Variants in ANKRD36B observed in about 807,000 individuals in gnomAD.
The protein encoded by ANKRD36B is ankyrin repeat domain 36B.
A neutral mutation model predicts 135.7 loss-of-function variants in ANKRD36B; 37 were observed. That is an observed-to-expected ratio of 0.27 (90% CI 0.21 to 0.36). ANKRD36B has a LOEUF of 0.36. ANKRD36B is among the 10% of genes least tolerant of loss of function. The probability of loss-of-function intolerance (pLI) is 1.00; values close to 1 mark genes in which losing one functional copy is unlikely to be tolerated. For missense variants in ANKRD36B, 549 were observed against 1,037.1 expected (o/e 0.53, Z 6.46); for synonymous variants, 179 against 348.1 (o/e 0.51, Z 5.41).
rs2077915852 is a variant in ANKRD36B at position 97,519,973 on chromosome 2, AT to A, written c.2407+3352del. ...TTGGATTGGGGGTATACAAAAAAATATCTGAACCCCCCTCTCAATTTTGACA... is the reference window on the plus strand; with the variant it reads ...TTGGATTGGGGGTATACAAAAAAATACTGAACCCCCCTCTCAATTTTGACA... On this transcript the variant is annotated intron_variant, in intron 36 of 43. Coordinates refer to ENST00000359901, the MANE Select transcript of ANKRD36B (RefSeq NM_001393939.1). Among the ~76,000 whole-genome samples the A allele has an allele frequency of 2.2e-5, 2 of 92,814 alleles. 1 individual carries two copies. 60.9% of individuals were successfully genotyped at this position (92,814 alleles called of 152,430 possible). A position where few individuals can be genotyped will look rare whatever the true frequency, so the allele number is the denominator to read the frequency against.
chr2:97,560,355 C>T (rs1293907016), intron 8 of ANKRD36B, among the ~76,000 whole-genome samples: 6 of 151,844 alleles, frequency 4.0e-5, no homozygotes. Context: ...TCTCTTTCCC[C>T]TCTTGATGGA....
At chr2:97,548,046 A>C (rs114569772) in intron 20 of ANKRD36B, among the ~76,000 whole-genome samples, 9,049 of 151,710 alleles carry the variant, frequency 0.06, 365 homozygotes, top group Middle Eastern at 0.16. Context: ...ATCAGAGGAG[A>C]AACTCATACA....
At position 97,558,926 on chromosome 2, in the gene ANKRD36B, T is replaced by C. The variant is rs752821600; in HGVS notation, c.894+40A>G. 2.4e-5 allele frequency: 38 copies of C among 1,607,164 alleles called. No individual in the cohort carries two copies. In the South Asian group the frequency reaches 3.4e-4, roughly 14 times the overall value. On this transcript the variant is annotated intron_variant, in intron 9 of 43. Coordinates refer to ENST00000359901, the MANE Select transcript of ANKRD36B (RefSeq NM_001393939.1). ...TATGTAAAGTAGGTTTCATAGACTA[T>C]ACGGTTAATAGTTCAACATATAAAT...
intron 6 of ANKRD36B, among the ~76,000 whole-genome samples, chr2:97,562,457 T>G (rs2081115191): frequency 6.6e-6 from 1 of 151,980 alleles, no homozygotes; most frequent in African/African-American, 2.4e-5. Context: ...GAACGAAGCA[T>G]GTATCATTGA....
At chr2:97,580,354 TAA>T in intron 4 of ANKRD36B, 106 bp downstream of exon 4, 1 of 987,638 alleles carries the variant, frequency 1.0e-6, no homozygotes, top group South Asian at 1.8e-5. Context: ...TCCCAGTAAT[TAA>T]AAGTTAGTCT....
chr2:97,496,864 T>G (rs2077315494), intron 43 of ANKRD36B, among the ~76,000 whole-genome samples: 1 of 67,744 alleles, frequency 1.5e-5, no homozygotes, highest in African/African-American at 7.0e-5. Context: ...TATATATCTT[T>G]TAAAATATTA....
chr2:97,529,176 C>G (rs1189850092), intron 35 of ANKRD36B, among the ~76,000 whole-genome samples: 1 of 94,796 alleles, frequency 1.1e-5, no homozygotes, highest in East Asian at 2.3e-4. Flanking sequence ...CAAACCGAAT[C>G]CAGCAGCACA....
Position 97,545,320 on chromosome 2 carries a change from A to G in ANKRD36B, c.1681+346T>C, listed in dbSNP as rs140269508. 0.013 allele frequency among the ~76,000 whole-genome samples: 1,274 copies of G among 94,730 alleles called. 386 individuals carry two copies. The East Asian group carries it at 0.16, about 12-fold the overall frequency. The allele number at this position is 94,730 out of a possible 152,430, so 62.1% of individuals were successfully genotyped here. A position where few individuals can be genotyped will look rare whatever the true frequency, so the allele number is the denominator to read the frequency against. On this transcript the variant is annotated intron_variant, in intron 24 of 43. Coordinates refer to ENST00000359901, the MANE Select transcript of ANKRD36B (RefSeq NM_001393939.1). ...TCTGTTTATCCCAATACAATCTGAC[A>G]CCTCTAATATCTATTATTTCATCTC...
At chr2:97,560,509 A>G (rs1157630329) in intron 8 of ANKRD36B, among the ~76,000 whole-genome samples, 156 bp downstream of exon 8, 1 of 151,898 alleles carries the variant, frequency 6.6e-6, no homozygotes, top group Non-Finnish European at 1.5e-5. Flanking sequence ...GACCAGCAGT[A>G]TCAGAGTCAC....
At chr2:97,577,067 A>T (rs2082282421) in intron 5 of ANKRD36B, among the ~76,000 whole-genome samples, 1 of 152,038 alleles carries the variant, frequency 6.6e-6, no homozygotes, top group African/African-American at 2.4e-5. Flanking sequence ...ATTCATAAAT[A>T]AATTAATTTA....
rs1387982126 is a variant in ANKRD36B at position 97,557,221 on chromosome 2, C to T, written c.968-89G>A. 5 of 1,496,436 alleles carry T rather than the reference C, an allele frequency of 3.3e-6. No homozygotes were observed. In the East Asian group the frequency reaches 1.2e-4, roughly 37 times the overall value. The allele number at this position is 1,496,436 out of a possible 1,614,324, so 92.7% of individuals were successfully genotyped here. A position where few individuals can be genotyped will look rare whatever the true frequency, so the allele number is the denominator to read the frequency against. On this transcript the variant is annotated intron_variant, in intron 10 of 43. Coordinates refer to ENST00000359901, the MANE Select transcript of ANKRD36B (RefSeq NM_001393939.1). ...ATGCAGTGTTAGCATCAAGCTGTAT[C>T]CTCCCGCCTGCACTAGTGTAGGATT...
At chr2:97,566,599 A>C (rs2081452063) in intron 6 of ANKRD36B, among the ~76,000 whole-genome samples, 1 of 152,190 alleles carries the variant, frequency 6.6e-6, no homozygotes, top group South Asian at 2.1e-4. Flanking sequence ...TGTGAATTGC[A>C]GTATAAAATA....
chr2:97,496,833 G>GTATA (rs56775263), intron 43 of ANKRD36B, among the ~76,000 whole-genome samples: 216 of 61,920 alleles, frequency 3.5e-3, no homozygotes, highest in Middle Eastern at 6.6e-3. Flanking sequence ...ATATGTGTGT[G>GTATA]TATATATATA....
intron 3 of ANKRD36B, among the ~76,000 whole-genome samples, chr2:97,581,411 T>C (rs375752245): frequency 1.8e-4 from 28 of 151,784 alleles, no homozygotes; most frequent in African/African-American, 6.3e-4. Flanking sequence ...CTATCTCTTT[T>C]TAATTCGGAG....
chr2:97,572,723 T>G (rs2081961337), intron 6 of ANKRD36B, among the ~76,000 whole-genome samples: 1 of 150,432 alleles, frequency 6.6e-6, no homozygotes, highest in Non-Finnish European at 1.5e-5. Context: ...TAATAATATT[T>G]TCTTTAGGGA....
chr2:97,579,830 A>G (rs938880293), intron 4 of ANKRD36B, among the ~76,000 whole-genome samples: 1 of 152,054 alleles, frequency 6.6e-6, no homozygotes, highest in African/African-American at 2.4e-5. Flanking sequence ...AACATTATAT[A>G]TATATAATGT....
At chr2:97,558,920 A>C in intron 9 of ANKRD36B, 46 bp downstream of exon 9, 1 of 1,607,960 alleles carries the variant, frequency 6.2e-7, no homozygotes, top group Non-Finnish European at 8.5e-7. Context: ...TAGGTTTCAT[A>C]GACTATACGG....
At chr2:97,573,593 C>G (rs1452959962) in intron 6 of ANKRD36B, among the ~76,000 whole-genome samples, 1 of 152,016 alleles carries the variant, frequency 6.6e-6, no homozygotes. Context: ...CAATCCTAAG[C>G]CAAAAGAATA....
chr2:97,546,970 T>C (rs1368024999), intron 22 of ANKRD36B, among the ~76,000 whole-genome samples: 1 of 151,676 alleles, frequency 6.6e-6, no homozygotes, highest in African/African-American at 2.4e-5. Context: ...CAAATAACTT[T>C]TATGAAAATA....
Sources: gnomAD v4.1 joint callset for allele counts (sites outside exome capture counted in the v4.1 genomes callset) on GRCh38, gnomAD v4.1.1 for gene constraint, MANE v1.5 for transcripts, NCBI Gene and HGNC (gene_info 2026-07-23, HGNC 2026-07-21) for gene names.